Variants in TTC21B observed in about 807,000 individuals in gnomAD.
TTC21B encodes tetratricopeptide repeat protein 21B.
A neutral mutation model predicts 175.1 loss-of-function variants in TTC21B; 127 were observed. That is an observed-to-expected ratio of 0.73 (90% CI 0.63 to 0.84). The LOEUF is 0.84. TTC21B is among the 40% of genes least tolerant of loss of function. The probability of loss-of-function intolerance (pLI) is 0.00; values close to 1 mark genes in which losing one functional copy is unlikely to be tolerated. For synonymous variants in TTC21B, 524 were observed against 524.5 expected, an observed-to-expected ratio of 1.00 and a Z score of 0.01; for missense variants, 1,561 against 1,558.3, an observed-to-expected ratio of 1.00 and a Z score of -0.03.
Position 165,929,542 on chromosome 2 carries a change from T to C in TTC21B, c.1185+108A>G, listed in dbSNP as rs1686805771. ...AATAAATGCAATTACATATTAAAAT[T>C]AGTGTACACTAGTGCTTTACAGCCA... On this transcript the variant is annotated intron_variant, in intron 10 of 28. Coordinates refer to ENST00000243344, the MANE Select transcript of TTC21B (RefSeq NM_024753.5). The C allele has an allele frequency of 3.4e-6, 3 of 885,856 alleles. No individual in the cohort carries two copies. In the South Asian group the frequency reaches 4.4e-5, roughly 13 times the overall value. 54.9% of individuals were successfully genotyped at this position (885,856 alleles called of 1,614,324 possible).
At chr2:165,933,392 A>G (rs1349389114) in intron 6 of TTC21B, among the ~76,000 whole-genome samples, 1 of 152,154 alleles carries the variant, frequency 6.6e-6, no homozygotes, top group Non-Finnish European at 1.5e-5. Flanking sequence ...TTATTACAGG[A>G]ATTCCGGGAA....
intron 27 of TTC21B, 123 bp downstream of exon 27, chr2:165,880,556 G>T: frequency 2.0e-6 from 2 of 1,021,748 alleles, no homozygotes; most frequent in East Asian, 2.6e-5. Context: ...CTTTCAGAAA[G>T]GTTGACAATG....
rs1055377988 is a variant in TTC21B at position 165,892,979 on chromosome 2, T to C, written c.2951-1991A>G. Among the ~76,000 whole-genome samples the C allele has an allele frequency of 6.6e-6, 1 of 152,318 alleles. No homozygotes were observed. Among genetic ancestry groups the C allele is most frequent in the South Asian group, 2.1e-4 (1 of 4,832 alleles). Reference sequence around the variant, plus strand: ...AAACTAATACAGGCTGATAGTATCATTTGTCCCCTTGACACACAATCTTGG... The same window carrying C: ...AAACTAATACAGGCTGATAGTATCACTTGTCCCCTTGACACACAATCTTGG... On this transcript the variant is annotated intron_variant, in intron 22 of 28. Coordinates refer to ENST00000243344, the MANE Select transcript of TTC21B (RefSeq NM_024753.5).
rs1686039732 is a variant in TTC21B, at chr2:165,913,639, C to T, written c.2146G>A (p.Ala716Thr). The T allele has an allele frequency of 1.2e-6, 2 of 1,612,152 alleles. No homozygotes were observed. Among genetic ancestry groups the T allele is most frequent in the Non-Finnish European group, 1.7e-6 (2 of 1,178,554 alleles). ...MLYITCFREI[A>T]ERMANPRSFL... is the part of the protein sequence containing the mutation. ...GACCGAGGGTTAGCCATTCTTTCAG[C>T]AATTTCTCTGGAAATCAGACCAACA... is the stretch of plus-strand genomic sequence containing the variant. Residue 716 changes from alanine to threonine, a missense_variant, in exon 16 of 29, where the codon GCT (alanine) becomes ACT (threonine). Physicochemically the swap from Ala to Thr is moderately conservative, Grantham distance 58. Transcript: ENST00000243344.
rs968504028 is a variant in TTC21B, at chr2:165,937,356, A to G, written c.710+3671T>C. On this transcript the variant is annotated intron_variant, in intron 6 of 28. Transcript: ENST00000243344. ...CAGTAGAAATATTCTGTATGATACTATAATGGTGGATACATGTGATTACAC... is the reference window on the plus strand; with the variant it reads ...CAGTAGAAATATTCTGTATGATACTGTAATGGTGGATACATGTGATTACAC... 2.0e-4 allele frequency among the ~76,000 whole-genome samples: 31 copies of G among 152,172 alleles called. 1 individual carries two copies. The highest frequency in any genetic ancestry group is 2.9e-5 in the Non-Finnish European group (2 of 67,978).
At chr2:165,920,227 A>AG (rs1486415737) in intron 12 of TTC21B, among the ~76,000 whole-genome samples, 1 of 152,172 alleles carries the variant, frequency 6.6e-6, no homozygotes, top group Non-Finnish European at 1.5e-5. Flanking sequence ...CAACCTTGCT[A>AG]GGAGAATGTG....
chr2:165,912,273 T>A (rs1685977854), intron 17 of TTC21B, among the ~76,000 whole-genome samples: 1 of 152,166 alleles, frequency 6.6e-6, no homozygotes, highest in Non-Finnish European at 1.5e-5. Context: ...GGTAATTGAT[T>A]TGGTAGCAAG....
chr2:165,886,140 T>C (rs1684991303), intron 25 of TTC21B, among the ~76,000 whole-genome samples: 1 of 152,224 alleles, frequency 6.6e-6, no homozygotes, highest in African/African-American at 2.4e-5. Flanking sequence ...CCTCTTCCTC[T>C]GAAACACATT....
intron 21 of TTC21B, among the ~76,000 whole-genome samples, chr2:165,899,241 T>C (rs536392615): frequency 3.9e-5 from 6 of 152,344 alleles, no homozygotes; most frequent in Admixed American, 2.6e-4. Flanking sequence ...TATTTCTTTT[T>C]AACCACAATA....
At chr2:165,922,266 C>T (rs1445364932) in intron 12 of TTC21B, among the ~76,000 whole-genome samples, 1 of 151,956 alleles carries the variant, frequency 6.6e-6, no homozygotes, top group East Asian at 1.9e-4. Flanking sequence ...TCACTTCTTA[C>T]AATTGAAATA....
chr2:165,905,908 C>A (rs553143676), intron 19 of TTC21B, among the ~76,000 whole-genome samples: 1 of 152,166 alleles, frequency 6.6e-6, no homozygotes, highest in African/African-American at 2.4e-5. Flanking sequence ...CCACATGGAA[C>A]CTTTACCAAA....
intron 11 of TTC21B, chr2:165,928,789 C>A: frequency 4.3e-6 from 1 of 229,964 alleles, no homozygotes; most frequent in Admixed American, 5.3e-5. Context: ...ATGACAAGAA[C>A]TTCATTTTAG....
At chr2:165,939,397 G>A (rs896426627) in intron 6 of TTC21B, among the ~76,000 whole-genome samples, 3 of 152,066 alleles carry the variant, frequency 2.0e-5, no homozygotes, top group Non-Finnish European at 4.4e-5. Context: ...TACTTCATTT[G>A]TATCTTGAAA....
At chr2:165,905,474 AC>A (rs1283668618) in intron 19 of TTC21B, among the ~76,000 whole-genome samples, 33 of 152,156 alleles carry the variant, frequency 2.2e-4, no homozygotes, top group Non-Finnish European at 4.1e-4. Flanking sequence ...CCATGCAAGT[AC>A]TAAAAGGAAA....
intron 6 of TTC21B, among the ~76,000 whole-genome samples, chr2:165,940,718 T>C (rs749751198): frequency 1.3e-5 from 2 of 152,166 alleles, no homozygotes; most frequent in Non-Finnish European, 2.9e-5. Context: ...CTTTCTAACA[T>C]ACTACACAAT....
In TTC21B at chr2:165,873,367, TATAA is replaced by T. The variant is rs1415600851; in HGVS notation, c.*1384_*1387del. On this transcript the variant is annotated 3_prime_UTR_variant, in exon 29 of 29. Transcript: ENST00000243344. ...ATTTAATAAAAAGCAGCAAATGACT[TATAA>T]ATACTGTTTATTGTAAATGCAAATA... The T allele has an allele frequency of 6.6e-6, 1 of 152,210 alleles. No individual in the cohort carries two copies. The highest frequency in any genetic ancestry group is 1.5e-5 in the Non-Finnish European group (1 of 68,024). The allele number at this position is 152,210 out of a possible 1,614,324, so 9.4% of individuals were successfully genotyped here.
rs778092173 is a variant in TTC21B, at chr2:165,890,558, T to C, written c.3184A>G (p.Asn1062Asp). 2.5e-6 allele frequency: 4 copies of C among 1,613,676 alleles called. No individual in the cohort carries two copies. The highest frequency in any genetic ancestry group is 2.2e-5 in the East Asian group (1 of 44,832). Residue 1062 changes from asparagine to aspartate, a missense_variant, in exon 24 of 29, where the codon AAT (asparagine) becomes GAT (aspartate). Transcript: ENST00000243344. ...DRDWGQNALY[N>D]MIEICLNPDN... ...GGATTCAAACAGATCTCTATCATAT[T>C]ATAAAGGGCATTTTGGCCCCAGTCA...
At chr2:165,946,200 G>A (rs953278521) in intron 3 of TTC21B, among the ~76,000 whole-genome samples, 2 of 151,602 alleles carry the variant, frequency 1.3e-5, no homozygotes, top group Non-Finnish European at 2.9e-5. Context: ...TTAGCCGGGC[G>A]TGATAGCGTG....
intron 22 of TTC21B, among the ~76,000 whole-genome samples, chr2:165,896,140 G>C (rs1255112381): frequency 3.6e-5 from 1 of 27,766 alleles, no homozygotes; most frequent in South Asian, 1.5e-3. Flanking sequence ...CAGATGCCTA[G>C]GGCATCAGCC....
Sources: gnomAD v4.1 joint callset for allele counts (sites outside exome capture counted in the v4.1 genomes callset) on GRCh38, gnomAD v4.1.1 for gene constraint, MANE v1.5 for transcripts, NCBI Gene and HGNC (gene_info 2026-07-23, HGNC 2026-07-21) for gene names.